KCNN2: variants seen among roughly 807,000 people sequenced by gnomAD.
KCNN2 encodes the protein potassium calcium-activated channel subfamily N member 2.
KCNN2 carries 24 observed loss-of-function variants against 55.5 expected under a neutral mutation model. That is an observed-to-expected ratio of 0.43 (90% confidence interval 0.31 to 0.61). The LOEUF is 0.61. KCNN2 is among the 20% of genes least tolerant of loss of function. The pLI is 0.08. For missense variants in KCNN2, 754 were observed against 853.6 expected, an observed-to-expected ratio of 0.88 and a Z score of 1.45; for synonymous variants, 431 against 336.1, an observed-to-expected ratio of 1.28 and a Z score of -3.09.
At chr5:114,361,938 C>G (rs974098925), upstream of KCNN2, 1 of 153,318 alleles carries the variant, frequency 6.5e-6, no homozygotes, top group African/African-American at 2.4e-5. Context: ...CCGCGCGCGC[C>G]GCAAACTCAG....
At chr5:114,398,484 G>GTTT (rs35191729) in intron 2 of KCNN2, among the ~76,000 whole-genome samples, 3 of 139,116 alleles carry the variant, frequency 2.2e-5, no homozygotes, top group African/African-American at 7.7e-5. Flanking sequence ...CAGTATTGTT[G>GTTT]TTTTTTTTTT....
chr5:114,256,525 C>T lies in KCNN2; in HGVS notation c.-185+34960C>T, dbSNP rs78165348. Among the ~76,000 whole-genome samples the T allele has an allele frequency of 6.3e-3, 955 of 152,230 alleles. 8 individuals carry two copies. Among genetic ancestry groups the T allele is most frequent in the African/African-American group, 0.022 (907 of 41,542 alleles). ...TGTATGTGTTTCCTTTTCTCTGCAT[C>T]CTTGCCAACATCTTTTGTTTTTTGA... is the stretch of plus-strand genomic sequence containing the variant. On this transcript the variant is annotated intron_variant, in intron 2 of 10. Transcript: ENST00000512097.
chr5:114,364,662 G>A (rs1179272378), intron 2 of KCNN2, among the ~76,000 whole-genome samples: 1 of 151,118 alleles, frequency 6.6e-6, no homozygotes, highest in Non-Finnish European at 1.5e-5. Flanking sequence ...ATGCAGCCAG[G>A]AGCTCTATAT....
chr5:114,443,162 G>A (rs576150000), intron 3 of KCNN2, among the ~76,000 whole-genome samples: 63 of 152,052 alleles, frequency 4.1e-4, no homozygotes, highest in African/African-American at 1.4e-3. Flanking sequence ...GTGGTGGCGC[G>A]TGCCTGTAAT....
intron 1 of KCNN2, among the ~76,000 whole-genome samples, chr5:114,066,734 C>G (rs1310394450): frequency 1.3e-5 from 2 of 152,054 alleles, no homozygotes; most frequent in African/African-American, 4.8e-5. Flanking sequence ...CGCACGCCAC[C>G]ACGCCCAGCT....
At chr5:114,189,265 T>A (rs1214444864) in intron 1 of KCNN2, among the ~76,000 whole-genome samples, 1 of 151,998 alleles carries the variant, frequency 6.6e-6, no homozygotes, top group African/African-American at 2.4e-5. Context: ...GGAGAGTCAA[T>A]GGTACAAACC....
intron 1 of KCNN2, among the ~76,000 whole-genome samples, chr5:114,218,190 C>G (rs1447092822): frequency 6.6e-6 from 1 of 152,208 alleles, no homozygotes; most frequent in Non-Finnish European, 1.5e-5. Flanking sequence ...TCTTACAAAA[C>G]TAAACATAGT....
At chr5:114,445,931 G>A (rs1162959751) in intron 3 of KCNN2, among the ~76,000 whole-genome samples, 1 of 152,186 alleles carries the variant, frequency 6.6e-6, no homozygotes, top group East Asian at 1.9e-4. Context: ...GTATGGGCAG[G>A]ATCACGGGAA....
intron 2 of KCNN2, among the ~76,000 whole-genome samples, chr5:114,393,941 G>T (rs1261192500): frequency 6.7e-6 from 1 of 150,002 alleles, no homozygotes; most frequent in Non-Finnish European, 1.5e-5. Context: ...CCAGTTTTTT[G>T]CTAATATACA....
intron 2 of KCNN2, among the ~76,000 whole-genome samples, chr5:114,271,971 C>T (rs995194858): frequency 2.6e-5 from 4 of 152,082 alleles, no homozygotes; most frequent in Non-Finnish European, 4.4e-5. Context: ...GCTCTTAGTG[C>T]AGTATCTGGC....
intron 1 of KCNN2, among the ~76,000 whole-genome samples, chr5:114,194,044 C>G (rs974356027): frequency 3.9e-5 from 6 of 152,036 alleles, no homozygotes; most frequent in Admixed American, 3.3e-4. Context: ...TCATATCTCC[C>G]CTTCATCCTA....
chr5:114,391,839 C>T (rs1758459245), intron 2 of KCNN2, among the ~76,000 whole-genome samples: 1 of 152,088 alleles, frequency 6.6e-6, no homozygotes, highest in Non-Finnish European at 1.5e-5. Flanking sequence ...GCTGCTGGTT[C>T]AGTGGCTTAA....
intron 1 of KCNN2, among the ~76,000 whole-genome samples, chr5:114,218,296 C>A (rs1754050639): frequency 6.6e-6 from 1 of 152,160 alleles, no homozygotes; most frequent in Non-Finnish European, 1.5e-5. Context: ...ATGTTTATAG[C>A]AGCTTTATTC....
chr5:114,121,217 T>G (rs2974460), intron 1 of KCNN2, among the ~76,000 whole-genome samples: 10,632 of 152,274 alleles, frequency 0.07, 1,235 homozygotes, highest in African/African-American at 0.24. Context: ...GCACCTATGG[T>G]ATCATCCCAG....
At chr5:114,493,728 A>C (rs1747974613) in intron 7 of KCNN2, among the ~76,000 whole-genome samples, 1 of 152,172 alleles carries the variant, frequency 6.6e-6, no homozygotes, top group Admixed American at 6.6e-5. Flanking sequence ...TACCATAAGA[A>C]GCTTAAGTGG....
At chr5:114,306,909 A>T (rs1344879106) in intron 2 of KCNN2, among the ~76,000 whole-genome samples, 1 of 151,860 alleles carries the variant, frequency 6.6e-6, no homozygotes, top group Non-Finnish European at 1.5e-5. Context: ...TTGCCATGTT[A>T]GCCAGGCTGG....
intron 2 of KCNN2, among the ~76,000 whole-genome samples, chr5:114,301,049 AAT>A (rs1219650063): frequency 3.6e-5 from 1 of 27,884 alleles, no homozygotes; most frequent in Admixed American, 5.2e-4. Flanking sequence ...TCCTTTATTA[AAT>A]ATTTTTTTTT....
In KCNN2 at chr5:114,451,896, C is replaced by CA. The variant is rs756263922; in HGVS notation, c.1638-11137dup. ...TGGGTGACAGAGCAAGACACTGTCT[C>CA]AAAAAAAAAAAAAAAAGAATCAAAT... On this transcript the variant is annotated intron_variant, in intron 3 of 7. Coordinates refer to ENST00000673685, the MANE Select transcript of KCNN2 (RefSeq NM_021614.4). Among the ~76,000 whole-genome samples, 840 of 93,926 alleles carry CA rather than the reference C, an allele frequency of 8.9e-3. 5 individuals carry two copies. Among genetic ancestry groups the CA allele is most frequent in the African/African-American group, 0.018 (425 of 24,000 alleles). The allele number at this position is 93,926 out of a possible 152,430, so 61.6% of individuals were successfully genotyped here.
intron 2 of KCNN2, among the ~76,000 whole-genome samples, chr5:114,240,961 T>C (rs1052070360): frequency 2.0e-5 from 3 of 152,274 alleles, no homozygotes; most frequent in Admixed American, 2.0e-4. Flanking sequence ...ATTGGTAAGA[T>C]TGCTGAATTA....
Sources: gnomAD v4.1 joint callset for allele counts (sites outside exome capture counted in the v4.1 genomes callset) on GRCh38, gnomAD v4.1.1 for gene constraint, MANE v1.5 for transcripts, NCBI Gene and HGNC (gene_info 2026-07-23, HGNC 2026-07-21) for gene names.